Variants in ADRA1D observed in about 807,000 individuals in gnomAD.
The protein encoded by ADRA1D is alpha-1D adrenergic receptor.
ADRA1D carries 22 observed loss-of-function variants against 18.6 expected under a neutral mutation model. The observed-to-expected ratio is 1.19, with a 90% CI of 0.85 to 1.69. ADRA1D has a LOEUF of 1.69. Among genes scored for constraint, ADRA1D ranks in the 40% most tolerant of loss-of-function variants. The pLI is 0.00. For missense variants in ADRA1D, 840 were observed against 840.7 expected (o/e 1.00, Z 0.01); for synonymous variants, 376 against 388.2 (o/e 0.97, Z 0.37).
rs1981433942 is a variant in ADRA1D, at chr20:4,248,920, C to G, written c.38G>C (p.Gly13Ala). The G allele has an allele frequency of 2.2e-6, 3 of 1,341,296 alleles. No homozygotes were observed. The highest frequency in any genetic ancestry group is 5.4e-5 in the Admixed American group (2 of 36,726). 83.1% of individuals were successfully genotyped at this position (1,341,296 alleles called of 1,614,324 possible). A position where few individuals can be genotyped will look rare whatever the true frequency, so the allele number is the denominator to read the frequency against. Residue 13 changes from glycine (G) to alanine (A), a missense_variant, in exon 1 of 2, where the codon GGA becomes GCA. By Grantham distance (60) the Gly-to-Ala change is moderately conservative. Transcript: ENST00000379453. Reference protein sequence around the residue: ...FRDLLSVSFEGPRPDSSAGGS... With the variant: ...FRDLLSVSFEAPRPDSSAGGS... ...CCCTGCGCTGCTGTCCGGGCGGGGT[C>G]CCTCGAAACTGACGCTCAGGAGATC...
intron 1 of ADRA1D, among the ~76,000 whole-genome samples, chr20:4,230,028 A>AC (rs1980917214): frequency 1.3e-5 from 2 of 151,902 alleles, no homozygotes; most frequent in African/African-American, 4.8e-5. Context: ...CCAGATGCAC[A>AC]CCCACCTTGG....
rs112190238 is a variant in ADRA1D, at chr20:4,243,620, G to A, written c.1111+4227C>T. 3.9e-3 allele frequency among the ~76,000 whole-genome samples: 588 copies of A among 152,276 alleles called. 6 individuals carry two copies. Among genetic ancestry groups the A allele is most frequent in the African/African-American group, 0.013 (547 of 41,554 alleles). On this transcript the variant is annotated intron_variant, in intron 1 of 1. Transcript: ENST00000379453. ...GAACGGGACTGTCCTGGGTCACTAT[G>A]CACGGAGCAGGCAGCTCAACTGGGC...
intron 1 of ADRA1D, among the ~76,000 whole-genome samples, chr20:4,229,504 A>C (rs1980904467): frequency 6.6e-6 from 1 of 152,206 alleles, no homozygotes; most frequent in South Asian, 2.1e-4. Context: ...AGTCCTGATG[A>C]GAATGTGACA....
chr20:4,222,363 A>G lies in ADRA1D; in HGVS notation c.1112-233T>C. On this transcript the variant is annotated intron_variant, in intron 1 of 1. Transcript: ENST00000379453. The surrounding 1 kb of genome is among the most constrained non-coding windows in gnomAD (Gnocchi z 4.3). ...ATTACCTTCAATGAATGTAGGCAAC[A>G]AACCAGAGTAGAGTTAGACAAAACC... 1 of 492,222 alleles carries G rather than the reference A, an allele frequency of 2.0e-6. No homozygotes were observed. The highest frequency in any genetic ancestry group is 3.9e-5 in the East Asian group (1 of 25,810). The allele number at this position is 492,222 out of a possible 1,614,324, so 30.5% of individuals were successfully genotyped here.
intron 1 of ADRA1D, among the ~76,000 whole-genome samples, chr20:4,227,590 A>G (rs543050147): frequency 6.5e-4 from 98 of 151,716 alleles, no homozygotes; most frequent in African/African-American, 2.3e-3. Flanking sequence ...CTTTCTTTGT[A>G]TCACCTTCAT....
At position 4,248,494 on chromosome 20, in the gene ADRA1D, G is replaced by C. The variant is rs755461813; in HGVS notation, c.464C>G (p.Thr155Ser). The C allele has an allele frequency of 5.0e-6, 8 of 1,613,566 alleles. No individual in the cohort carries two copies. Among genetic ancestry groups the C allele is most frequent in the Non-Finnish European group, 6.8e-6 (8 of 1,179,874 alleles). Residue 155 changes from threonine (T) to serine (S), a missense_variant, in exon 1 of 2, where the codon ACC (threonine) becomes AGC (serine). Physicochemically the swap from Thr to Ser is moderately conservative, Grantham distance 58. Transcript: ENST00000379453. The part of the protein sequence containing the change: ...LSATVLPFSA[T>S]MEVLGFWAFG... ...GGCCCAGAAGCCCAGAACCTCCATG[G>C]TGGCCGAGAAGGGCAGTACGGTGGC...
chr20:4,241,862 C>G (rs6084670), intron 1 of ADRA1D, among the ~76,000 whole-genome samples: 31 of 152,134 alleles, frequency 2.0e-4, no homozygotes, highest in East Asian at 7.7e-4. Context: ...CAGCCTCCCC[C>G]CTGCCTCCTC....
At chr20:4,231,063 TTTCTCTCTCTCTCTCTC>T (rs1980949838) in intron 1 of ADRA1D, among the ~76,000 whole-genome samples, 58 of 97,390 alleles carry the variant, frequency 6.0e-4, no homozygotes, top group African/African-American at 2.3e-3. Flanking sequence ...TCTTTCTTTC[TTTCTCTCTCTCTCTCTC>T]TCTTTTCTTT....
chr20:4,230,028 A>T (rs1980917101), intron 1 of ADRA1D, among the ~76,000 whole-genome samples: 1 of 151,902 alleles, frequency 6.6e-6, no homozygotes, highest in South Asian at 2.1e-4. Context: ...CCAGATGCAC[A>T]CCCACCTTGG....
intron 1 of ADRA1D, among the ~76,000 whole-genome samples, chr20:4,225,727 A>G (rs1184124266): frequency 1.3e-5 from 2 of 152,084 alleles, no homozygotes; most frequent in Non-Finnish European, 2.9e-5. Flanking sequence ...ATTAGTATCT[A>G]TTACTTACCT....
At chr20:4,243,644 GC>G (rs1981269326) in intron 1 of ADRA1D, among the ~76,000 whole-genome samples, 2 of 152,102 alleles carry the variant, frequency 1.3e-5, no homozygotes, top group South Asian at 4.1e-4. Context: ...GCTCAACTGG[GC>G]ATCACCACGG....
Position 4,239,505 on chromosome 20 carries a change from G to T in ADRA1D, c.1111+8342C>A, listed in dbSNP as rs1444119481. 6.6e-6 allele frequency among the ~76,000 whole-genome samples: 1 copy of T among 152,222 alleles called. No individual in the cohort carries two copies. The highest frequency in any genetic ancestry group is 1.5e-5 in the Non-Finnish European group (1 of 68,036). ...AGTCATCTTCCATTGAAACAGACTA[G>T]GGCTCTTTAGGGAAATGGCTAATTC... On this transcript the variant is annotated intron_variant, in intron 1 of 1. Transcript: ENST00000379453. This position sits in a 1 kb window ranked among gnomAD's most constrained non-coding sequence, Gnocchi z 4.9.
At chr20:4,231,034 TTCTTTTTC>T (rs1481038296) in intron 1 of ADRA1D, among the ~76,000 whole-genome samples, 2 of 130,792 alleles carry the variant, frequency 1.5e-5, no homozygotes, top group African/African-American at 3.2e-5. Flanking sequence ...TTCTCTTTCT[TTCTTTTTC>T]TTTCTTTCTT....
At chr20:4,232,619 C>G (rs1193336947) in intron 1 of ADRA1D, among the ~76,000 whole-genome samples, 3 of 152,214 alleles carry the variant, frequency 2.0e-5, no homozygotes, top group South Asian at 2.1e-4. Flanking sequence ...TCTTTCAACT[C>G]CTTCAAGTCT....
intron 1 of ADRA1D, among the ~76,000 whole-genome samples, chr20:4,232,263 C>T (rs1029504305): frequency 1.3e-5 from 2 of 152,210 alleles, no homozygotes. Context: ...AGTCCTCCTC[C>T]TCTCTCCATA....
intron 1 of ADRA1D, among the ~76,000 whole-genome samples, chr20:4,224,681 T>C (rs188326065): frequency 4.2e-4 from 60 of 141,640 alleles, no homozygotes; most frequent in South Asian, 1.1e-3. Context: ...GGATAGAGGC[T>C]GCAGGTGCCT....
In ADRA1D at chr20:4,249,056, C is replaced by A; in HGVS notation, c.-99G>T. On this transcript the variant is annotated 5_prime_UTR_variant, in exon 1 of 2. Transcript: ENST00000379453. Reference sequence around the variant, plus strand: ...AGCCGCGGGGCTCCAGATGCAGCTCCGCGCACGGGTCCCGTCGGGGTCCTG... The same window carrying A: ...AGCCGCGGGGCTCCAGATGCAGCTCAGCGCACGGGTCCCGTCGGGGTCCTG... The A allele has an allele frequency of 1.1e-6, 1 of 932,876 alleles. No individual in the cohort carries two copies. Among genetic ancestry groups the A allele is most frequent in the Non-Finnish European group, 1.3e-6 (1 of 755,844 alleles). 57.8% of individuals were successfully genotyped at this position (932,876 alleles called of 1,614,324 possible).
At position 4,246,553 on chromosome 20, in the gene ADRA1D, G is replaced by A. The variant is rs544647165; in HGVS notation, c.1111+1294C>T. Among the ~76,000 whole-genome samples the A allele has an allele frequency of 9.9e-5, 15 of 152,182 alleles. No individual in the cohort carries two copies. The South Asian group carries it at 1.5e-3, about 15-fold the overall frequency. ...CAGAGCAGAGGGAAGCGGCAAGACC[G>A]TGACGGCAGAGAGGGGGAGGGCAGA... On this transcript the variant is annotated intron_variant, in intron 1 of 1. Transcript: ENST00000379453.
chr20:4,244,529 C>T (rs1185544967), intron 1 of ADRA1D, among the ~76,000 whole-genome samples: 3 of 152,232 alleles, frequency 2.0e-5, no homozygotes, highest in Non-Finnish European at 4.4e-5. Context: ...TCCCTGCATC[C>T]AAGTTTCCAA....
Sources: gnomAD v4.1 joint callset for allele counts (sites outside exome capture counted in the v4.1 genomes callset) on GRCh38, gnomAD v4.1.1 for gene constraint, Gnocchi (gnomAD v3.1) non-coding constraint, MANE v1.5 for transcripts, NCBI Gene and HGNC (gene_info 2026-07-23, HGNC 2026-07-21) for gene names.